Variants in STIM1 observed in about 807,000 individuals in gnomAD.
STIM1 encodes the protein stromal interaction molecule 1.
A neutral mutation model predicts 74.7 loss-of-function variants in STIM1; 25 were observed. That is an observed-to-expected ratio of 0.33 (90% CI 0.24 to 0.47). STIM1 has a LOEUF of 0.47. Among genes scored for constraint, STIM1 ranks in the 20% least tolerant of loss-of-function variants. The probability of loss-of-function intolerance (pLI) is 1.00; values close to 1 mark genes in which losing one functional copy is unlikely to be tolerated. For missense variants in STIM1, 728 were observed against 920.8 expected (o/e 0.79, Z 2.71); for synonymous variants, 328 against 348.8 (o/e 0.94, Z 0.66).
intron 7 of STIM1, among the ~76,000 whole-genome samples, chr11:4,076,835 T>C (rs1232051632): frequency 1.3e-5 from 2 of 151,514 alleles, no homozygotes; most frequent in Non-Finnish European, 1.5e-5. Context: ...GTGAGGACTT[T>C]TTAAGTTATT....
At chr11:3,992,299 A>G (rs2093624376) in intron 2 of STIM1, among the ~76,000 whole-genome samples, 2 of 151,526 alleles carry the variant, frequency 1.3e-5, no homozygotes, top group African/African-American at 2.4e-5. Flanking sequence ...CTATAATTCC[A>G]GCTACTCAGA....
intron 3 of STIM1, among the ~76,000 whole-genome samples, chr11:4,039,630 T>C (rs1413860827): frequency 2.6e-5 from 4 of 151,538 alleles, no homozygotes; most frequent in Admixed American, 1.3e-4. Flanking sequence ...TGTCAGTGAT[T>C]TTTTTTTCAT....
intron 1 of STIM1, among the ~76,000 whole-genome samples, chr11:3,918,271 T>C (rs2092674308): frequency 1.3e-5 from 2 of 152,044 alleles, no homozygotes; most frequent in Non-Finnish European, 2.9e-5. Context: ...AATTCTAGCA[T>C]TTTGGGAGGC....
chr11:3,913,213 A>G (rs1215368460), intron 1 of STIM1, among the ~76,000 whole-genome samples: 1 of 151,834 alleles, frequency 6.6e-6, no homozygotes, highest in African/African-American at 2.4e-5. Context: ...TTCTTAGGAC[A>G]GGGTCTTGCT....
chr11:4,008,223 T>A (rs1235942657), intron 2 of STIM1, among the ~76,000 whole-genome samples: 1 of 152,168 alleles, frequency 6.6e-6, no homozygotes, highest in Non-Finnish European at 1.5e-5. Flanking sequence ...TACAGTAACA[T>A]GTTGTACAAG....
At chr11:3,880,163 G>C (rs1156632519) in intron 1 of STIM1, among the ~76,000 whole-genome samples, 1 of 152,190 alleles carries the variant, frequency 6.6e-6, no homozygotes, top group Non-Finnish European at 1.5e-5. Flanking sequence ...TAATCTCTCT[G>C]AGCCTTAGGG....
rs571450442 is a variant in STIM1 at position 3,937,431 on chromosome 11, A to G, written c.140-30121A>G. Among the ~76,000 whole-genome samples the G allele has an allele frequency of 1.1e-4, 16 of 152,266 alleles. No individual in the cohort carries two copies. In the South Asian group the frequency reaches 2.9e-3, roughly 28 times the overall value. On this transcript the variant is annotated intron_variant, in intron 1 of 12. Transcript: ENST00000526596. Reference sequence around the variant, plus strand: ...ATTCAAAAACTCTAAGGGCTTATTCAATCCAAAGGGGTCAGGCTTAGTTCC... The same window carrying G: ...ATTCAAAAACTCTAAGGGCTTATTCGATCCAAAGGGGTCAGGCTTAGTTCC...
intron 1 of STIM1, among the ~76,000 whole-genome samples, chr11:3,906,510 T>G (rs548457581): frequency 6.6e-6 from 1 of 152,214 alleles, no homozygotes; most frequent in Non-Finnish European, 1.5e-5. Flanking sequence ...TTCCAAAGAT[T>G]TGCCAATTCT....
intron 3 of STIM1, among the ~76,000 whole-genome samples, chr11:4,030,152 A>C (rs2094036500): frequency 6.6e-6 from 1 of 152,048 alleles, no homozygotes; most frequent in African/African-American, 2.4e-5. Context: ...AACATGGTGA[A>C]ACCCTGTCTC....
chr11:3,974,005 C>T, intron 2 of STIM1: 1 of 684,978 alleles, frequency 1.5e-6, no homozygotes, highest in Non-Finnish European at 2.7e-6. Context: ...TTCTGTCCAC[C>T]TTATGTAGCC....
At chr11:3,945,428 T>TA (rs57360702) in intron 1 of STIM1, among the ~76,000 whole-genome samples, 71 of 140,652 alleles carry the variant, frequency 5.0e-4, no homozygotes, top group East Asian at 1.8e-3. Flanking sequence ...AATAAAAAAA[T>TA]AAAAAAAAAA....
intron 1 of STIM1, among the ~76,000 whole-genome samples, chr11:3,887,851 C>T: frequency 6.6e-6 from 1 of 151,720 alleles, no homozygotes; most frequent in South Asian, 2.1e-4. Flanking sequence ...ACCTGTAGTC[C>T]CAGCTACTTG....
chr11:4,085,125 C>T (rs2094485805), intron 11 of STIM1, among the ~76,000 whole-genome samples: 1 of 151,578 alleles, frequency 6.6e-6, no homozygotes, highest in Admixed American at 6.6e-5. Flanking sequence ...CAGTTTCCCC[C>T]TTCTTTCTCC....
chr11:4,069,521 T>A (rs1353837115), intron 5 of STIM1, among the ~76,000 whole-genome samples: 1 of 152,224 alleles, frequency 6.6e-6, no homozygotes, highest in Non-Finnish European at 1.5e-5. Flanking sequence ...GTGCCAAGAA[T>A]GGCCTGGTAG....
At chr11:3,910,954 C>T (rs1324964440) in intron 1 of STIM1, among the ~76,000 whole-genome samples, 1 of 152,160 alleles carries the variant, frequency 6.6e-6, no homozygotes, top group Non-Finnish European at 1.5e-5. Context: ...CCACCGCACT[C>T]CAGCCTGGGC....
intron 1 of STIM1, among the ~76,000 whole-genome samples, chr11:3,895,710 C>CTT (rs1213193028): frequency 2.0e-4 from 6 of 29,530 alleles, no homozygotes; most frequent in East Asian, 1.0e-3. Context: ...TTCTTTCTTT[C>CTT]TTTCTTTCTT....
intron 3 of STIM1, among the ~76,000 whole-genome samples, chr11:4,053,177 TC>T (rs1199669827): frequency 2.0e-5 from 3 of 152,180 alleles, no homozygotes; most frequent in African/African-American, 7.2e-5. Flanking sequence ...GTGTGGTGAT[TC>T]CTCAAGGATC....
intron 5 of STIM1, among the ~76,000 whole-genome samples, chr11:4,061,284 A>T (rs1191608686): frequency 6.6e-6 from 1 of 152,140 alleles, no homozygotes; most frequent in African/African-American, 2.4e-5. Flanking sequence ...GCCCTGGTGG[A>T]GCAGGTTGGA....
intron 1 of STIM1, among the ~76,000 whole-genome samples, chr11:3,856,697 A>AC (rs1187630998): frequency 6.6e-6 from 1 of 152,082 alleles, no homozygotes; most frequent in Non-Finnish European, 1.5e-5. Context: ...GCAAGGAAAG[A>AC]CCCCATCTTA....
Sources: gnomAD v4.1 joint callset for allele counts (sites outside exome capture counted in the v4.1 genomes callset) on GRCh38, gnomAD v4.1.1 for gene constraint, MANE v1.5 for transcripts, NCBI Gene and HGNC (gene_info 2026-07-23, HGNC 2026-07-21) for gene names.